Variants in RIC1 observed in about 807,000 individuals in gnomAD.
RIC1 encodes RIC1 partner of RAB6A GEF complex.
Under a neutral mutation model 169.0 loss-of-function variants are expected in RIC1, and 88 were observed. That is an observed-to-expected ratio of 0.52 (90% confidence interval 0.44 to 0.62). RIC1 has a LOEUF of 0.62. Ranked by LOEUF, RIC1 falls within the 20% of genes least tolerant of loss-of-function variation. The pLI is 0.00. For missense variants in RIC1, 1,877 were observed against 1,725.5 expected, an observed-to-expected ratio of 1.09 and a Z score of -1.56; for synonymous variants, 790 against 601.5, an observed-to-expected ratio of 1.31 and a Z score of -4.59.
intron 3 of RIC1, among the ~76,000 whole-genome samples, chr9:5,699,919 TAA>T (rs1465350903): frequency 6.6e-6 from 1 of 152,168 alleles, no homozygotes; most frequent in Non-Finnish European, 1.5e-5. Context: ...CAGTGATGTG[TAA>T]ACCTCTTGGC....
chr9:5,760,155 T>C (rs555423232), intron 17 of RIC1, among the ~76,000 whole-genome samples: 2 of 152,350 alleles, frequency 1.3e-5, no homozygotes, highest in South Asian at 2.1e-4. Flanking sequence ...AACAGCAAGA[T>C]AGTCTCTCCA....
chr9:5,768,923 C>G, intron 21 of RIC1, 47 bp from the exon 22 acceptor site: 1 of 1,548,310 alleles, frequency 6.5e-7, no homozygotes, highest in Non-Finnish European at 8.7e-7. Context: ...GATGTGAAAT[C>G]CTCCAGTAAA....
chr9:5,745,806 C>G lies in RIC1; in HGVS notation c.1096-125C>G, dbSNP rs370036090. On this transcript the variant is annotated intron_variant, in intron 10 of 25. Coordinates refer to ENST00000414202, the MANE Select transcript of RIC1 (RefSeq NM_020829.4). ...CTTGTCTGTGTTATCACGGTTTCTC[C>G]AACCTTCACAAATCATTAATAATGC... 4.2e-5 allele frequency: 33 copies of G among 786,518 alleles called. No individual in the cohort carries two copies. The South Asian group carries it at 6.4e-4, about 15-fold the overall frequency. The allele number at this position is 786,518 out of a possible 1,614,324, so 48.7% of individuals were successfully genotyped here. A position where few individuals can be genotyped will look rare whatever the true frequency, so the allele number is the denominator to read the frequency against.
intron 2 of RIC1, among the ~76,000 whole-genome samples, chr9:5,669,059 T>A (rs558760690): frequency 9.8e-5 from 15 of 152,372 alleles, no homozygotes; most frequent in Admixed American, 3.3e-4. Flanking sequence ...GTTCTGCTCC[T>A]TGATTACTGA....
intron 23 of RIC1, among the ~76,000 whole-genome samples, chr9:5,770,707 A>C (rs908245954): frequency 6.6e-6 from 1 of 151,972 alleles, no homozygotes; most frequent in African/African-American, 2.4e-5. Flanking sequence ...TTTTTATTTC[A>C]TCAATAAAAA....
At chr9:5,753,176 A>T (rs1217577273) in intron 12 of RIC1, 24 bp from the exon 13 acceptor site, 2 of 1,593,326 alleles carry the variant, frequency 1.3e-6, no homozygotes, top group African/African-American at 2.7e-5. Flanking sequence ...AAGTTTTACC[A>T]ATCTGATGTG....
rs770390901 is a variant in RIC1, at chr9:5,763,881, T to G, written c.2841+13T>G. 2 of 1,592,506 alleles carry G rather than the reference T, an allele frequency of 1.3e-6. No homozygotes were observed. The highest frequency in any genetic ancestry group is 1.7e-6 in the Non-Finnish European group (2 of 1,166,682). On this transcript the variant is annotated intron_variant, in intron 19 of 25. Transcript: ENST00000414202. The surrounding 1 kb of genome is among the most constrained non-coding windows in gnomAD (Gnocchi z 5.2). The stretch of plus-strand genomic sequence containing the variant: ...TATTATCTTACAGGTAACAATTCTC[T>G]TCTTATAAAGGGGCAAGAATTAATG...
intron 7 of RIC1, among the ~76,000 whole-genome samples, chr9:5,734,702 G>T (rs189054426): frequency 6.6e-6 from 1 of 152,184 alleles, no homozygotes; most frequent in East Asian, 1.9e-4. Flanking sequence ...CTACTTCCTA[G>T]TCACAACTCT....
chr9:5,679,841 C>G (rs1257902933), intron 2 of RIC1, among the ~76,000 whole-genome samples: 4 of 152,106 alleles, frequency 2.6e-5, no homozygotes, highest in South Asian at 2.1e-4. Context: ...TTTCCTTCTC[C>G]TGCCTGATTG....
chr9:5,761,615 C>T (rs558868415), intron 17 of RIC1, among the ~76,000 whole-genome samples: 1 of 152,324 alleles, frequency 6.6e-6, no homozygotes, highest in Non-Finnish European at 1.5e-5. Context: ...ACTTCAACTT[C>T]TCTAGCACCT....
At chr9:5,680,049 A>T (rs1381897855) in intron 2 of RIC1, among the ~76,000 whole-genome samples, 1 of 152,174 alleles carries the variant, frequency 6.6e-6, no homozygotes, top group East Asian at 1.9e-4. Context: ...TTTTAGCATG[A>T]AGGGTTGTTG....
rs763284203 is a variant in RIC1, at chr9:5,673,613, A to G, written c.253-16346A>G. ...GTTGCCAAAGGTCCATCAAGAAAAG[A>G]ATAGCAAAGTAAATAAGAAACTTCC... is the stretch of plus-strand genomic sequence containing the variant. On this transcript the variant is annotated intron_variant, in intron 2 of 25. Transcript: ENST00000414202. Among the ~76,000 whole-genome samples the G allele has an allele frequency of 6.7e-5, 10 of 148,976 alleles. No homozygotes were observed. The South Asian group carries it at 1.1e-3, about 16-fold the overall frequency.
At chr9:5,712,329 A>T (rs1407908455) in intron 3 of RIC1, among the ~76,000 whole-genome samples, 3 of 152,230 alleles carry the variant, frequency 2.0e-5, no homozygotes, top group Non-Finnish European at 4.4e-5. Flanking sequence ...ATGGCCAGTG[A>T]TGATGAGCAT....
intron 1 of RIC1, among the ~76,000 whole-genome samples, chr9:5,641,096 C>CTT (rs34921771): frequency 1.4e-5 from 2 of 138,532 alleles, no homozygotes; most frequent in Non-Finnish European, 1.6e-5. Flanking sequence ...AGGTAGTCTT[C>CTT]TTTTTTTTTT....
chr9:5,640,923 G>A (rs548905103), intron 1 of RIC1, among the ~76,000 whole-genome samples: 62 of 152,126 alleles, frequency 4.1e-4, no homozygotes, highest in Middle Eastern at 3.4e-3. Context: ...AACATATTGT[G>A]CCACTCTCTC....
At chr9:5,709,756 C>T (rs1351594405) in intron 3 of RIC1, among the ~76,000 whole-genome samples, 1 of 152,028 alleles carries the variant, frequency 6.6e-6, no homozygotes, top group Non-Finnish European at 1.5e-5. Context: ...TTTTTTGTTA[C>T]TGTAATTTTT....
chr9:5,633,061 C>T (rs558119625), intron 1 of RIC1, among the ~76,000 whole-genome samples: 1 of 152,108 alleles, frequency 6.6e-6, no homozygotes, highest in Non-Finnish European at 1.5e-5. Flanking sequence ...TGTGAGATAT[C>T]ACTGTTGTAG....
At chr9:5,651,431 G>C (rs1027583013) in intron 1 of RIC1, among the ~76,000 whole-genome samples, 2 of 151,598 alleles carry the variant, frequency 1.3e-5, no homozygotes, top group African/African-American at 4.9e-5. Context: ...TATTTTTGCT[G>C]TTGTTGCCTG....
chr9:5,769,399 T>A, intron 22 of RIC1, 143 bp downstream of exon 22: 1 of 1,579,158 alleles, frequency 6.3e-7, no homozygotes, highest in Non-Finnish European at 8.6e-7. Flanking sequence ...TGTACATGAG[T>A]TGGAATGCCC....
Sources: gnomAD v4.1 joint callset for allele counts (sites outside exome capture counted in the v4.1 genomes callset) on GRCh38, gnomAD v4.1.1 for gene constraint, Gnocchi (gnomAD v3.1) non-coding constraint, MANE v1.5 for transcripts, NCBI Gene and HGNC (gene_info 2026-07-23, HGNC 2026-07-21) for gene names.